Variants in ARHGAP29 observed in about 807,000 individuals in gnomAD.
The protein encoded by ARHGAP29 is Rho GTPase activating protein 29.
A neutral mutation model predicts 122.6 loss-of-function variants in ARHGAP29; 43 were observed. The ratio of observed to expected loss-of-function variants is 0.35; its 90% CI spans 0.27 to 0.45. The LOEUF (loss-of-function observed/expected upper bound fraction) is 0.45, where lower values mean the gene tolerates loss of function less well. ARHGAP29 is among the 20% of genes least tolerant of loss of function. ARHGAP29 has a pLI of 1.00. For missense variants in ARHGAP29, 1,303 were observed against 1,477.2 expected, an observed-to-expected ratio of 0.88 and a Z score of 1.93; for synonymous variants, 506 against 497.1, an observed-to-expected ratio of 1.02 and a Z score of -0.24.
Position 94,184,959 on chromosome 1 carries a change from T to G in ARHGAP29, c.2022A>C (p.Thr674=). The G allele has an allele frequency of 6.2e-7, 1 of 1,613,748 alleles. No homozygotes were observed. The highest frequency in any genetic ancestry group is 8.5e-7 in the Non-Finnish European group (1 of 1,179,768). ...CATCTGGTTCCTTTTTTGCAACTTG[T>G]GTGAATTCTGCTCCAAATAAGTGTA... ...GKIHLFGAEF[T]QVAKKEPDGI... The change falls in exon 18 of 23, where the codon ACA becomes ACC. Residue 674 remains threonine, a synonymous_variant. Transcript: ENST00000260526.
the ARHGAP29 span, among the ~76,000 whole-genome samples, chr1:94,281,426 C>A: frequency 6.6e-6 from 1 of 152,136 alleles, no homozygotes; most frequent in Non-Finnish European, 1.5e-5. Context: ...CTAGAGGCTG[C>A]TCTTGCTGGG....
Position 94,172,133 on chromosome 1 carries a change from A to T in ARHGAP29, c.*1736T>A, listed in dbSNP as rs1006371968. ...CTGACAGCCCTATGTTTGAGATTTGACTCCACCTGTTACACCTGTGGAACA... is the reference window on the plus strand; with the variant it reads ...CTGACAGCCCTATGTTTGAGATTTGTCTCCACCTGTTACACCTGTGGAACA... On this transcript the variant is annotated 3_prime_UTR_variant, in exon 23 of 23. Transcript: ENST00000260526. The T allele has an allele frequency of 6.6e-6, 1 of 152,136 alleles. No individual in the cohort carries two copies. The highest frequency in any genetic ancestry group is 1.5e-5 in the Non-Finnish European group (1 of 68,026). The allele number at this position is 152,136 out of a possible 1,614,324, so 9.4% of individuals were successfully genotyped here.
intron 20 of ARHGAP29, 61 bp downstream of exon 20, chr1:94,179,664 T>A: frequency 9.1e-7 from 1 of 1,104,830 alleles, no homozygotes; most frequent in Non-Finnish European, 1.3e-6. Flanking sequence ...TTACCACAAT[T>A]AAAAACAAAA....
At chr1:94,264,235 C>T (rs1257389582) in intron 1 of ARHGAP29, among the ~76,000 whole-genome samples, 8 of 152,170 alleles carry the variant, frequency 5.3e-5, no homozygotes, top group Non-Finnish European at 8.8e-5. Context: ...TGATTTAGCA[C>T]AATTCTCACT....
the ARHGAP29 span, among the ~76,000 whole-genome samples, chr1:94,287,795 C>T: frequency 2.8e-5 from 2 of 70,646 alleles, no homozygotes; most frequent in Non-Finnish European, 7.5e-5. Context: ...AATGATGGTT[C>T]TCAGCTTCAT....
chr1:94,313,797 TA>T, the ARHGAP29 span, among the ~76,000 whole-genome samples: 4 of 152,142 alleles, frequency 2.6e-5, no homozygotes, highest in Non-Finnish European at 2.9e-5. Context: ...TATGCAGCCT[TA>T]AAAAAAGATG....
rs962674969 is a variant in ARHGAP29 at position 94,236,683 on chromosome 1, AT to A, written c.-33+731del. On this transcript the variant is annotated intron_variant, in intron 1 of 22. Transcript: ENST00000260526. ...CTCCAGCTCACCCGCCCCCCAAAAAATTTTTTTTTTTAATTAAAACTGTCAA... is the reference window on the plus strand; with the variant it reads ...CTCCAGCTCACCCGCCCCCCAAAAAATTTTTTTTTTAATTAAAACTGTCAA... 3.7e-4 allele frequency among the ~76,000 whole-genome samples: 56 copies of A among 150,642 alleles called. No individual in the cohort carries two copies. The East Asian group carries it at 4.9e-3, about 13-fold the overall frequency.
intron 3 of ARHGAP29, among the ~76,000 whole-genome samples, chr1:94,211,929 G>C (rs978109772): frequency 1.3e-5 from 2 of 150,894 alleles, no homozygotes; most frequent in Non-Finnish European, 2.9e-5. Flanking sequence ...AACAGTCCCT[G>C]GTGTGTGATG....
At chr1:94,199,194 A>G (rs1254083879) in intron 12 of ARHGAP29, among the ~76,000 whole-genome samples, 1 of 152,202 alleles carries the variant, frequency 6.6e-6, no homozygotes, top group African/African-American at 2.4e-5. Context: ...TACCTATGTA[A>G]CAAACCTGCA....
chr1:94,271,044 C>G lies in ARHGAP29; in HGVS notation c.-33+3968G>C, dbSNP rs1418587755. ...CACAAGGCTGCAACCAAGATGTTGG[C>G]TGAGCTGGAGCCATCTCCAGGCTCA... is the stretch of plus-strand genomic sequence containing the variant. On this transcript the variant is annotated intron_variant and NMD_transcript_variant, in intron 1 of 25. Transcript: ENST00000552844. 2.0e-5 allele frequency among the ~76,000 whole-genome samples: 3 copies of G among 152,216 alleles called. No individual in the cohort carries two copies. In the East Asian group the frequency reaches 5.8e-4, roughly 29 times the overall value.
At chr1:94,213,840 TAGA>T (rs900966104) in intron 3 of ARHGAP29, among the ~76,000 whole-genome samples, 5 of 152,220 alleles carry the variant, frequency 3.3e-5, no homozygotes, top group African/African-American at 4.8e-5. Context: ...GCCTGTTACA[TAGA>T]AGATGTTCAA....
chr1:94,275,752 A>G (rs1257395680), upstream of ARHGAP29, among the ~76,000 whole-genome samples: 1 of 152,130 alleles, frequency 6.6e-6, no homozygotes, highest in Admixed American at 6.5e-5. Flanking sequence ...ACGAACATAT[A>G]AGAGAGTGTG....
At chr1:94,250,886 T>C (rs1304787195) in intron 1 of ARHGAP29, among the ~76,000 whole-genome samples, 1 of 152,188 alleles carries the variant, frequency 6.6e-6, no homozygotes, top group Admixed American at 6.5e-5. Context: ...AGCCATCACA[T>C]ACCATAACCC....
At chr1:94,201,511 TCTCTCTCTC>T (rs1253985315) in intron 12 of ARHGAP29, among the ~76,000 whole-genome samples, 200 bp downstream of exon 12, 1 of 1,104 alleles carries the variant, frequency 9.1e-4, no homozygotes, top group East Asian at 0.062. Context: ...CTTCCTTCTC[TCTCTCTCTC>T]TCTCTCTCTC....
At chr1:94,277,188 G>T (rs1655224325), upstream of ARHGAP29, among the ~76,000 whole-genome samples, 1 of 152,148 alleles carries the variant, frequency 6.6e-6, no homozygotes, top group Non-Finnish European at 1.5e-5. Context: ...TTGAATATGG[G>T]TTCTCTAAAA....
chr1:94,234,511 A>G (rs750395893), intron 1 of ARHGAP29, among the ~76,000 whole-genome samples: 1 of 152,230 alleles, frequency 6.6e-6, no homozygotes, highest in Non-Finnish European at 1.5e-5. Context: ...ACCACACTTT[A>G]TAATTTTTAA....
intron 22 of ARHGAP29, among the ~76,000 whole-genome samples, chr1:94,175,958 C>T (rs776975114): frequency 2.6e-5 from 4 of 152,152 alleles, no homozygotes; most frequent in Non-Finnish European, 5.9e-5. Context: ...ACACCTCAGA[C>T]TCCCAAAGTG....
intron 3 of ARHGAP29, among the ~76,000 whole-genome samples, chr1:94,211,787 GGTGCATATGCACAAC>G (rs1049888403): frequency 9.2e-5 from 14 of 151,362 alleles, no homozygotes; most frequent in Non-Finnish European, 2.1e-4. Context: ...TAAGTTTTAG[GGTGCATATGCACAAC>G]GTGCATGTTT....
upstream of ARHGAP29, chr1:94,237,785 G>C (rs1168664550): frequency 8.1e-6 from 8 of 984,906 alleles, no homozygotes; most frequent in Non-Finnish European, 9.6e-6. Flanking sequence ...CACGGGCTGC[G>C]TCGGCTGCCC....
Sources: allele counts gnomAD v4.1 joint callset (sites outside exome capture counted in the v4.1 genomes callset), GRCh38; gene constraint gnomAD v4.1.1; transcripts MANE v1.5; gene names NCBI Gene and HGNC (gene_info 2026-07-23, HGNC 2026-07-21).